The following MBNL1 variants were observed in gnomAD, a reference collection of about 807,000 sequenced individuals.
MBNL1 encodes the protein muscleblind-like protein 1.
MBNL1 carries 8 observed loss-of-function variants against 42.2 expected under a neutral mutation model. The observed-to-expected ratio is 0.19, with a 90% confidence interval of 0.11 to 0.34. The LOEUF (loss-of-function observed/expected upper bound fraction) is 0.34, where lower values mean the gene tolerates loss of function less well. MBNL1 is among the 10% of genes least tolerant of loss of function. The pLI, the probability that MBNL1 is intolerant of heterozygous loss-of-function variation, is 1.00. For synonymous variants in MBNL1, 169 were observed against 173.9 expected (o/e 0.97, Z 0.22); for missense variants, 309 against 495.3 (o/e 0.62, Z 3.57).
intron 2 of MBNL1, among the ~76,000 whole-genome samples, chr3:152,413,484 C>A (rs879437934): frequency 6.6e-6 from 1 of 152,194 alleles, no homozygotes; most frequent in Non-Finnish European, 1.5e-5. Context: ...CCACTGTCCC[C>A]TGCTGCCTAC....
intron 3 of MBNL1, among the ~76,000 whole-genome samples, chr3:152,415,514 C>T (rs2098685271): frequency 6.6e-6 from 1 of 152,060 alleles, no homozygotes; most frequent in Non-Finnish European, 1.5e-5. Context: ...AATAGTTCTC[C>T]CTTTCCTCCC....
upstream of MBNL1, chr3:152,265,731 T>A (rs1400206358): frequency 6.6e-6 from 1 of 152,250 alleles, no homozygotes. Context: ...CTTTCCTTTA[T>A]CTGAAAATGT....
chr3:152,328,939 C>T (rs181738463), intron 2 of MBNL1, among the ~76,000 whole-genome samples: 6 of 152,072 alleles, frequency 3.9e-5, no homozygotes, highest in Admixed American at 2.6e-4. Context: ...CTGTTGAAAA[C>T]GGAAGGCTAG....
In MBNL1 at chr3:152,423,155, C is replaced by G. The variant is rs535337923; in HGVS notation, c.345+8044C>G. 2.5e-4 allele frequency among the ~76,000 whole-genome samples: 38 copies of G among 152,260 alleles called. No homozygotes were observed. In the South Asian group the frequency reaches 7.7e-3, roughly 31 times the overall value. On this transcript the variant is annotated intron_variant, in intron 3 of 9. Coordinates refer to ENST00000324210, the MANE Select transcript of MBNL1 (RefSeq NM_021038.5). The stretch of plus-strand genomic sequence containing the variant: ...TTCAAAAAATCAATGAATCCAGCAG[C>G]TGGTTTTTTGAAAAGATTCACAAAA...
At chr3:152,245,758 C>A (rs73869975) in intron 2 of MBNL1, among the ~76,000 whole-genome samples, 3,351 of 152,160 alleles carry the variant, frequency 0.022, 109 homozygotes, top group African/African-American at 0.077. Flanking sequence ...TAGTTGCTGT[C>A]TTCTTATTAT....
intron 2 of MBNL1, among the ~76,000 whole-genome samples, chr3:152,395,456 G>T (rs1191989629): frequency 6.6e-6 from 1 of 152,158 alleles, no homozygotes; most frequent in Non-Finnish European, 1.5e-5. Context: ...TTTCACAGAA[G>T]ACATTTGTGT....
chr3:152,427,954 A>G (rs1052410770), intron 3 of MBNL1, among the ~76,000 whole-genome samples: 4 of 151,892 alleles, frequency 2.6e-5, no homozygotes, highest in African/African-American at 9.7e-5. Flanking sequence ...CAAAACAAAC[A>G]GTGTTCACAT....
At chr3:152,406,313 C>G (rs1391544863) in intron 2 of MBNL1, among the ~76,000 whole-genome samples, 1 of 152,164 alleles carries the variant, frequency 6.6e-6, no homozygotes, top group Admixed American at 6.6e-5. Flanking sequence ...TCACAAGCAA[C>G]TCTAAATAGA....
intron 1 of MBNL1, among the ~76,000 whole-genome samples, chr3:152,279,381 C>G (rs35369452): frequency 2.0e-5 from 3 of 152,056 alleles, no homozygotes; most frequent in South Asian, 2.1e-4. Context: ...CCAACCCCAT[C>G]CCTCCCCATC....
At chr3:152,446,225 C>T (rs2099222548) in intron 5 of MBNL1, among the ~76,000 whole-genome samples, 1 of 151,842 alleles carries the variant, frequency 6.6e-6, no homozygotes, top group Non-Finnish European at 1.5e-5. Flanking sequence ...TTAATGAGCC[C>T]ATTCTTTGTT....
At position 152,272,039 on chromosome 3, in the gene MBNL1, T is replaced by TTCTCTC. The variant is rs139763690; in HGVS notation, c.-790+2973_-790+2978dup. Among the ~76,000 whole-genome samples, 173 of 147,790 alleles carry TTCTCTC rather than the reference T, an allele frequency of 1.2e-3. 2 individuals are homozygous for TTCTCTC. In the East Asian group the frequency reaches 0.012, roughly 10 times the overall value. On this transcript the variant is annotated intron_variant, in intron 1 of 9. Transcript: ENST00000324210. ...ACTAGATTAACTTCACCTGTTTCTT[T>TTCTCTC]TCTCTCTCTCTCTCTCTCTCTCTCT...
chr3:152,442,024 C>T (rs1431959909), intron 4 of MBNL1, among the ~76,000 whole-genome samples: 1 of 152,126 alleles, frequency 6.6e-6, no homozygotes, highest in Non-Finnish European at 1.5e-5. Flanking sequence ...AACTCCTGTC[C>T]TCAAGTGATC....
intron 1 of MBNL1, among the ~76,000 whole-genome samples, chr3:152,282,831 A>G (rs1480863598): frequency 6.6e-6 from 1 of 152,214 alleles, no homozygotes; most frequent in Non-Finnish European, 1.5e-5. Flanking sequence ...TCAATGCTTT[A>G]CAATTAAACA....
At position 152,420,874 on chromosome 3, in the gene MBNL1, A is replaced by G. The variant is rs1017800314; in HGVS notation, c.345+5763A>G. 2.0e-5 allele frequency among the ~76,000 whole-genome samples: 3 copies of G among 152,206 alleles called. No individual in the cohort carries two copies. In the East Asian group the frequency reaches 5.8e-4, roughly 29 times the overall value. On this transcript the variant is annotated intron_variant, in intron 3 of 9. Transcript: ENST00000324210. ...TGCAAGGAAGTTAAGAACCTTGATA[A>G]AAGATTACAGGAACTGCTAACTGAA...
chr3:152,395,852 T>A (rs372289199), intron 2 of MBNL1, among the ~76,000 whole-genome samples: 8 of 152,236 alleles, frequency 5.3e-5, no homozygotes, highest in African/African-American at 1.9e-4. Context: ...ACTGCCATTT[T>A]ACCTATCAGG....
Position 152,326,257 on chromosome 3 carries a change from A to G in MBNL1, c.174+25890A>G, listed in dbSNP as rs528464985. Among the ~76,000 whole-genome samples the G allele has an allele frequency of 2.0e-5, 3 of 151,920 alleles. No individual in the cohort carries two copies. The South Asian group carries it at 6.2e-4, about 32-fold the overall frequency. On this transcript the variant is annotated intron_variant, in intron 2 of 9. Coordinates refer to ENST00000324210, the MANE Select transcript of MBNL1 (RefSeq NM_021038.5). ...TTTAGCTTGTTCTTCCATCATCCTT[A>G]TTTTCTGTAAACTGAAAATTAGAGT... is the stretch of plus-strand genomic sequence containing the variant.
intron 2 of MBNL1, among the ~76,000 whole-genome samples, chr3:152,373,610 C>T (rs138427481): frequency 6.6e-6 from 1 of 152,136 alleles, no homozygotes; most frequent in African/African-American, 2.4e-5. Context: ...ATGCACCCCC[C>T]CTGCTTTGGC....
chr3:152,410,922 G>C (rs1292981280), intron 2 of MBNL1, among the ~76,000 whole-genome samples: 1 of 152,204 alleles, frequency 6.6e-6, no homozygotes, highest in East Asian at 1.9e-4. Context: ...CAGATACGCT[G>C]CTAAATTGAG....
At chr3:152,354,242 C>T (rs546204383) in intron 2 of MBNL1, among the ~76,000 whole-genome samples, 42 of 152,184 alleles carry the variant, frequency 2.8e-4, no homozygotes, top group Admixed American at 2.7e-3. Context: ...ATTACTTGAG[C>T]CCAGGAGTTT....
Sources: allele counts gnomAD v4.1 joint callset (sites outside exome capture counted in the v4.1 genomes callset), GRCh38; gene constraint gnomAD v4.1.1; transcripts MANE v1.5; gene names NCBI Gene and HGNC (gene_info 2026-07-23, HGNC 2026-07-21).